The following RNF130 variants were observed in gnomAD, a reference collection of about 807,000 sequenced individuals.
The protein encoded by RNF130 is E3 ubiquitin-protein ligase RNF130.
A neutral mutation model predicts 44.6 loss-of-function variants in RNF130; 21 were observed. The ratio of observed to expected loss-of-function variants is 0.47; its 90% CI spans 0.33 to 0.68. RNF130 has a LOEUF of 0.68. Ranked by LOEUF, RNF130 falls within the 30% of genes least tolerant of loss-of-function variation. RNF130 has a pLI of 0.02. For synonymous variants in RNF130, 214 were observed against 210.4 expected (o/e 1.02, Z -0.15); for missense variants, 479 against 560.6 (o/e 0.85, Z 1.47).
chr5:179,975,999 G>GCA (rs1409233398), intron 5 of RNF130, among the ~76,000 whole-genome samples: 2 of 80,856 alleles, frequency 2.5e-5, no homozygotes, highest in African/African-American at 2.1e-4. Context: ...TGACTCTGAT[G>GCA]CAGTCAGGTC....
At chr5:179,946,720 A>AT (rs1306283366) in intron 7 of RNF130, among the ~76,000 whole-genome samples, 2 of 151,718 alleles carry the variant, frequency 1.3e-5, no homozygotes, top group Non-Finnish European at 1.5e-5. Context: ...CGCCCGGCTA[A>AT]TTTTTTTGTA....
chr5:179,966,919 A>G lies in RNF130; in HGVS notation c.1037T>C (p.Leu346Pro). The G allele has an allele frequency of 6.2e-7, 1 of 1,614,186 alleles. No homozygotes were observed. Among genetic ancestry groups the G allele is most frequent in the Non-Finnish European group, 8.5e-7 (1 of 1,180,026 alleles). The change falls in exon 7 of 9, where the codon CTC (leucine) becomes CCC (proline). Residue 346 changes from leucine (L) to proline (P), a missense_variant. Coordinates refer to ENST00000521389, the MANE Select transcript of RNF130 (RefSeq NM_018434.6). ...AAGGCCAAGGGAGTTGTCGCCGGCGAGGTCGCCGAGGGCTGATCTTCGGTT... is the reference window on the plus strand; with the variant it reads ...AAGGCCAAGGGAGTTGTCGCCGGCGGGGTCGCCGAGGGCTGATCTTCGGTT... Reference protein sequence around the residue: ...AVNRRSALGDLAGDNSLGLEP... With the variant: ...AVNRRSALGDPAGDNSLGLEP...
chr5:179,950,870 G>A (rs559418403), downstream of RNF130, among the ~76,000 whole-genome samples: 4 of 152,244 alleles, frequency 2.6e-5, no homozygotes, highest in Admixed American at 6.5e-5. Context: ...ATGAATCACC[G>A]TTAAATAAGG....
At chr5:180,004,006 G>A (rs1302758784) in intron 3 of RNF130, among the ~76,000 whole-genome samples, 1 of 152,174 alleles carries the variant, frequency 6.6e-6, no homozygotes, top group African/African-American at 2.4e-5. Context: ...CATTTTATGA[G>A]AAAAGAACTA....
intron 2 of RNF130, among the ~76,000 whole-genome samples, chr5:180,036,556 A>G (rs1375759119): frequency 6.6e-6 from 1 of 152,220 alleles, no homozygotes; most frequent in Non-Finnish European, 1.5e-5. Context: ...GAAGTCTAGA[A>G]GTTTTTCAAA....
chr5:179,917,016 C>G (rs1761555212), exon 8 of RNF130: 2 of 152,216 alleles, frequency 1.3e-5, no homozygotes, highest in African/African-American at 4.8e-5. Context: ...ACAGTAAAAC[C>G]CCATCTCTAC....
intron 3 of RNF130, among the ~76,000 whole-genome samples, chr5:179,996,220 G>A (rs1763193634): frequency 6.6e-6 from 1 of 152,086 alleles, no homozygotes; most frequent in Non-Finnish European, 1.5e-5. Context: ...GGTGGCTATT[G>A]TAAATAAGAT....
intron 1 of RNF130, among the ~76,000 whole-genome samples, chr5:180,044,656 A>AC (rs1475930436): frequency 6.6e-6 from 1 of 152,024 alleles, no homozygotes; most frequent in Admixed American, 6.6e-5. Context: ...ACACAGCGAA[A>AC]CCCCATCTCT....
rs190604 is a variant in RNF130 at position 179,946,256 on chromosome 5, T to C, written c.1150+20550A>G. On this transcript the variant is annotated intron_variant, in intron 7 of 7. Transcript: ENST00000522208. ...CCGAATTCTGAGTGACTCTTCACTG[T>C]CCATGTGTCTAGGCTGTTCCTGCCA... Among the ~76,000 whole-genome samples the C allele has an allele frequency of 5.1e-3, 778 of 152,298 alleles. 3 individuals are homozygous for C. The highest frequency in any genetic ancestry group is 0.017 in the African/African-American group (727 of 41,570).
At chr5:179,981,534 A>ACTT (rs1368724752) in intron 3 of RNF130, among the ~76,000 whole-genome samples, 1 of 152,222 alleles carries the variant, frequency 6.6e-6, no homozygotes, top group Non-Finnish European at 1.5e-5. Context: ...CCAGTACTTT[A>ACTT]CTTCTATTTT....
At chr5:180,020,250 C>A (rs1434878021) in intron 2 of RNF130, among the ~76,000 whole-genome samples, 2 of 152,202 alleles carry the variant, frequency 1.3e-5, no homozygotes, top group African/African-American at 2.4e-5. Context: ...CAGGTGGATT[C>A]TCAAGTTGCC....
chr5:180,026,268 G>T (rs568877884), intron 2 of RNF130, among the ~76,000 whole-genome samples: 2 of 152,146 alleles, frequency 1.3e-5, no homozygotes, highest in African/African-American at 2.4e-5. Context: ...AATTCTTACA[G>T]ACATACAGAT....
intron 1 of RNF130, among the ~76,000 whole-genome samples, chr5:180,063,311 C>T (rs879408526): frequency 1.3e-5 from 2 of 152,142 alleles, no homozygotes; most frequent in Non-Finnish European, 2.9e-5. Context: ...CAGATACGTA[C>T]GATCCATTCT....
intron 2 of RNF130, among the ~76,000 whole-genome samples, chr5:180,016,662 G>A (rs1342572138): frequency 6.6e-6 from 1 of 152,162 alleles, no homozygotes; most frequent in Non-Finnish European, 1.5e-5. Flanking sequence ...AGGAACTTCT[G>A]TTTCCACACT....
chr5:179,980,214 A>G lies in RNF130; in HGVS notation c.694-14T>C. The G allele has an allele frequency of 4.3e-6, 7 of 1,612,854 alleles. No individual in the cohort carries two copies. Among genetic ancestry groups the G allele is most frequent in the Non-Finnish European group, 5.1e-6 (6 of 1,178,872 alleles). ...TCCGAGACGACGCTATGAAAATTGC[A>G]AATAAAAACAGATACTAAGTGTAAG... On this transcript the variant is annotated splice_polypyrimidine_tract_variant and intron_variant, in intron 3 of 8. Transcript: ENST00000521389.
chr5:180,029,111 AC>A (rs748878957), intron 2 of RNF130, among the ~76,000 whole-genome samples: 1 of 152,232 alleles, frequency 6.6e-6, no homozygotes, highest in Non-Finnish European at 1.5e-5. Flanking sequence ...TGACTGTTTG[AC>A]ATTTATGCCA....
At chr5:179,957,884 T>C (rs1451764291) in intron 8 of RNF130, among the ~76,000 whole-genome samples, 1 of 150,100 alleles carries the variant, frequency 6.7e-6, no homozygotes, top group Non-Finnish European at 1.5e-5. Context: ...CAAAATTCTT[T>C]TTTTTTTTTT....
chr5:180,004,338 C>T (rs1247455875), intron 3 of RNF130, among the ~76,000 whole-genome samples: 1 of 152,184 alleles, frequency 6.6e-6, no homozygotes, highest in Non-Finnish European at 1.5e-5. Flanking sequence ...CAAATTTACA[C>T]CTCATCACAC....
chr5:179,930,428 T>C (rs1170398017), intron 7 of RNF130, among the ~76,000 whole-genome samples: 1 of 152,218 alleles, frequency 6.6e-6, no homozygotes, highest in Admixed American at 6.5e-5. Context: ...TACTTACTCA[T>C]TTTAAGAGCT....
Sources: gnomAD v4.1 joint callset for allele counts (sites outside exome capture counted in the v4.1 genomes callset) on GRCh38, gnomAD v4.1.1 for gene constraint, MANE v1.5 for transcripts, NCBI Gene and HGNC (gene_info 2026-07-23, HGNC 2026-07-21) for gene names.